Variants in SETD4 observed in about 807,000 individuals in gnomAD.
SETD4 encodes SET domain-containing protein 4.
SETD4 carries 46 observed loss-of-function variants against 58.3 expected under a neutral mutation model. The observed-to-expected ratio is 0.79, with a 90% CI of 0.62 to 1.01. SETD4 has a LOEUF of 1.01. Among genes scored for constraint, SETD4 ranks in the 50% least tolerant of loss-of-function variants. The pLI, the probability that SETD4 is intolerant of heterozygous loss-of-function variation, is 0.00. For missense variants in SETD4, 490 were observed against 523.3 expected (o/e 0.94, Z 0.62); for synonymous variants, 190 against 202.6 (o/e 0.94, Z 0.53).
At chr21:36,044,647 A>G (rs2064223526) in intron 6 of SETD4, among the ~76,000 whole-genome samples, 1 of 152,216 alleles carries the variant, frequency 6.6e-6, no homozygotes, top group South Asian at 2.1e-4. Flanking sequence ...TTCTTTCTAC[A>G]AAAGTAACAA....
At chr21:36,060,090 C>G (rs958467701) in intron 1 of SETD4, 1 of 985,532 alleles carries the variant, frequency 1.0e-6, no homozygotes, top group Non-Finnish European at 1.2e-6. Context: ...CATAGGCCAG[C>G]CAGGCGAGCA....
intron 4 of SETD4, among the ~76,000 whole-genome samples, chr21:36,048,891 TG>T (rs1474182548): frequency 6.6e-6 from 1 of 152,150 alleles, no homozygotes; most frequent in Admixed American, 6.5e-5. Context: ...GCCTAATTTT[TG>T]TATTTTTAGT....
chr21:36,059,027 T>C, intron 1 of SETD4, 103 bp from the exon 2 acceptor site: 1 of 1,298,060 alleles, frequency 7.7e-7, no homozygotes, highest in East Asian at 2.5e-5. Context: ...ATAATCACTG[T>C]TCTTTGTACC....
intron 5 of SETD4, among the ~76,000 whole-genome samples, chr21:36,046,591 C>T (rs1001463433): frequency 6.6e-6 from 1 of 152,202 alleles, no homozygotes; most frequent in African/African-American, 2.4e-5. Flanking sequence ...AAACATCTGT[C>T]ATTGCTAAAA....
rs2064454496 is a variant in SETD4 at position 36,048,318 on chromosome 21, A to G, written c.286T>C (p.Tyr96His). 1.2e-6 allele frequency: 2 copies of G among 1,614,120 alleles called. No individual in the cohort carries two copies. The highest frequency in any genetic ancestry group is 8.5e-7 in the Non-Finnish European group (1 of 1,179,974). ...TGTGTGGTCACTTACTTAGTAATGT[A>G]TGCCCCTAAGTAGCTTCGAATCACT... ...DTVIRSYLGA[Y>H]ITKWKPPPSP... The change falls in exon 5 of 12, where the codon TAC (tyrosine) becomes CAC (histidine). Residue 96 changes from tyrosine to histidine, a missense_variant. By Grantham distance (83) the Tyr-to-His change is moderately conservative. Transcript: ENST00000332131.
intron 5 of SETD4, among the ~76,000 whole-genome samples, chr21:36,048,059 GGGAGGGAGGGAGGGAAGGAGGGAA>G (rs1212665926): frequency 2.1e-5 from 3 of 144,478 alleles, no homozygotes; most frequent in African/African-American, 5.2e-5. Context: ...AAGGAAGAGA[GGGAGGGAGGGAGGGAAGGAGGGAA>G]GGAGGGAGGG....
At chr21:36,060,095 C>G in intron 1 of SETD4, 1 of 985,642 alleles carries the variant, frequency 1.0e-6, no homozygotes, top group Non-Finnish European at 1.2e-6. Flanking sequence ...GCCAGCCAGG[C>G]GAGCATCGGA....
chr21:36,057,429 G>A, intron 2 of SETD4: 1 of 689,706 alleles, frequency 1.4e-6, no homozygotes, highest in Non-Finnish European at 2.7e-6. Context: ...AGGACTGCTT[G>A]AGGCCAGGAG....
rs568630015 is a variant in SETD4, at chr21:36,053,450, T to C, written c.207+133A>G. The C allele has an allele frequency of 2.2e-4, 194 of 868,420 alleles. 4 individuals are homozygous for C. The highest frequency in any genetic ancestry group is 1.2e-3 in the South Asian group (83 of 66,790). 53.8% of individuals were successfully genotyped at this position (868,420 alleles called of 1,614,324 possible). A position where few individuals can be genotyped will look rare whatever the true frequency, so the allele number is the denominator to read the frequency against. On this transcript the variant is annotated intron_variant, in intron 4 of 11. Coordinates refer to ENST00000332131, the MANE Select transcript of SETD4 (RefSeq NM_017438.5). ...AACTTAATCCTAGTTGATAGAACCA[T>C]ATTCAAATATATCTATTAGGTAAGT...
intron 2 of SETD4, among the ~76,000 whole-genome samples, chr21:36,057,846 T>C (rs1043299178): frequency 1.6e-4 from 25 of 152,148 alleles, no homozygotes; most frequent in African/African-American, 4.3e-4. Context: ...TGGAAGAAGA[T>C]AGTCTTTTCA....
At chr21:36,050,437 T>C (rs2064606084) in intron 4 of SETD4, 2 of 1,614,094 alleles carry the variant, frequency 1.2e-6, no homozygotes, top group Non-Finnish European at 8.5e-7. Context: ...CCACAAGTGG[T>C]GGTAGTCAGA....
Position 36,050,258 on chromosome 21 carries a change from T to A in SETD4, c.208-1862A>T, listed in dbSNP as rs558342975. 1.0e-3 allele frequency: 1,599 copies of A among 1,523,620 alleles called. 16 individuals carry two copies. The highest frequency in any genetic ancestry group is 2.7e-3 in the Middle Eastern group (16 of 5,898). 94.4% of individuals were successfully genotyped at this position (1,523,620 alleles called of 1,614,324 possible). A position where few individuals can be genotyped will look rare whatever the true frequency, so the allele number is the denominator to read the frequency against. On this transcript the variant is annotated intron_variant, in intron 4 of 11. Transcript: ENST00000332131. ...CTGCCAAGTTGTGGTTTTTGATAGA[T>A]TGTCCCATCAGGGAAGACTATCCTC...
At chr21:36,056,154 G>A (rs2064971464) in intron 3 of SETD4, among the ~76,000 whole-genome samples, 1 of 152,166 alleles carries the variant, frequency 6.6e-6, no homozygotes, top group South Asian at 2.1e-4. Context: ...ACTGACTCAT[G>A]GAGAACAACT....
intron 4 of SETD4, chr21:36,051,077 T>G: frequency 7.0e-7 from 1 of 1,435,098 alleles, no homozygotes. Flanking sequence ...TCATCGTCTT[T>G]CATAAGGCTT....
At chr21:36,038,324 G>C (rs1347805804) in intron 9 of SETD4, 51 bp from the exon 10 acceptor site, 8 of 1,596,124 alleles carry the variant, frequency 5.0e-6, no homozygotes, top group Non-Finnish European at 6.8e-6. Context: ...TCAAAAAACA[G>C]ATTTTTTTGT....
chr21:36,051,811 AT>A (rs1168493735), intron 4 of SETD4, among the ~76,000 whole-genome samples: 1 of 152,162 alleles, frequency 6.6e-6, no homozygotes, highest in Non-Finnish European at 1.5e-5. Context: ...AATTACAGGA[AT>A]TTTTGTATTA....
At chr21:36,049,664 C>T (rs939446428) in intron 4 of SETD4, among the ~76,000 whole-genome samples, 5 of 152,206 alleles carry the variant, frequency 3.3e-5, no homozygotes, top group African/African-American at 1.2e-4. Context: ...CTTCCCATTC[C>T]AACATCCTAT....
At chr21:36,048,016 G>C (rs998903876) in intron 5 of SETD4, among the ~76,000 whole-genome samples, 7 of 131,242 alleles carry the variant, frequency 5.3e-5, no homozygotes, top group Non-Finnish European at 9.5e-5. Context: ...GCAAGAGAGA[G>C]AGAAAGAGAG....
chr21:36,046,315 G>A (rs2064327351), intron 5 of SETD4, among the ~76,000 whole-genome samples: 1 of 152,096 alleles, frequency 6.6e-6, no homozygotes, highest in Admixed American at 6.6e-5. Flanking sequence ...CTTCCAACTT[G>A]GTTCTCCAGT....
Sources: allele counts gnomAD v4.1 joint callset (sites outside exome capture counted in the v4.1 genomes callset), GRCh38; gene constraint gnomAD v4.1.1; transcripts MANE v1.5; gene names NCBI Gene and HGNC (gene_info 2026-07-23, HGNC 2026-07-21).